Variants in KIRREL3 observed in about 807,000 individuals in gnomAD.
The protein encoded by KIRREL3 is kirre like nephrin family adhesion molecule 3, also known as kin of IRRE-like protein 3.
KIRREL3 carries 36 observed loss-of-function variants against 89.7 expected under a neutral mutation model. That is an observed-to-expected ratio of 0.40 (90% CI 0.31 to 0.53). KIRREL3 has a LOEUF of 0.53. Among genes scored for constraint, KIRREL3 ranks in the 20% least tolerant of loss-of-function variants. KIRREL3 has a pLI of 0.49. For missense variants in KIRREL3, 864 were observed against 1,056.6 expected (o/e 0.82, Z 2.53); for synonymous variants, 445 against 441.4 (o/e 1.01, Z -0.10).
At chr11:126,434,914 A>G (rs570096138) in intron 13 of KIRREL3, among the ~76,000 whole-genome samples, 2 of 152,188 alleles carry the variant, frequency 1.3e-5, no homozygotes. Flanking sequence ...AGAGCCTGGA[A>G]GCAGAAGGCA....
intron 1 of KIRREL3, among the ~76,000 whole-genome samples, chr11:126,733,669 GTTTAC>G (rs1406430087): frequency 6.6e-6 from 1 of 152,160 alleles, no homozygotes; most frequent in Non-Finnish European, 1.5e-5. Context: ...TTGATGTGCT[GTTTAC>G]TTTAATTACC....
chr11:126,442,907 G>A (rs1955637421), intron 10 of KIRREL3, among the ~76,000 whole-genome samples: 1 of 152,250 alleles, frequency 6.6e-6, no homozygotes, highest in African/African-American at 2.4e-5. Context: ...GTGCTGGCAG[G>A]GGTGGAGGCA....
intron 1 of KIRREL3, among the ~76,000 whole-genome samples, chr11:126,781,835 T>A (rs1950335391): frequency 2.0e-5 from 3 of 152,304 alleles, no homozygotes; most frequent in Middle Eastern, 3.4e-3. Context: ...TCATCAAAAA[T>A]GACCTTATTC....
At position 126,977,117 on chromosome 11, in the gene KIRREL3, T is replaced by A. The variant is rs1440013142; in HGVS notation, c.55+23338A>T. Among the ~76,000 whole-genome samples the A allele has an allele frequency of 6.6e-6, 1 of 152,218 alleles. No homozygotes were observed. The highest frequency in any genetic ancestry group is 1.5e-5 in the Non-Finnish European group (1 of 68,042). ...AATCTCTCTTTTCCTTTTTTCTTTT[T>A]CTGCAGGCTTCAGCTCCTTCTGGGT... is the stretch of plus-strand genomic sequence containing the variant. On this transcript the variant is annotated intron_variant, in intron 1 of 16. Coordinates refer to ENST00000525144, the MANE Select transcript of KIRREL3 (RefSeq NM_032531.4). The surrounding 1 kb of genome is among the most constrained non-coding windows in gnomAD (Gnocchi z 4.7).
chr11:126,735,861 T>C (rs1948782930), intron 1 of KIRREL3, among the ~76,000 whole-genome samples: 2 of 152,164 alleles, frequency 1.3e-5, no homozygotes, highest in Non-Finnish European at 2.9e-5. Context: ...TAATCTTAAT[T>C]TAAAGGCAAA....
At chr11:126,899,388 T>A (rs189982381) in intron 1 of KIRREL3, among the ~76,000 whole-genome samples, 1 of 152,034 alleles carries the variant, frequency 6.6e-6, no homozygotes, top group South Asian at 2.1e-4. Context: ...ACACAAAATC[T>A]CTGATAATAG....
chr11:126,617,462 ATACT>A (rs1369761216), intron 1 of KIRREL3, among the ~76,000 whole-genome samples: 7 of 152,394 alleles, frequency 4.6e-5, no homozygotes, highest in African/African-American at 1.7e-4. Flanking sequence ...TTCAAAGTTT[ATACT>A]TATCTACTTT....
In KIRREL3 at chr11:126,636,818, G is replaced by C. The variant is rs781084260; in HGVS notation, c.56-73906C>G. Among the ~76,000 whole-genome samples, 4 of 152,086 alleles carry C rather than the reference G, an allele frequency of 2.6e-5. No homozygotes were observed. Among genetic ancestry groups the C allele is most frequent in the Non-Finnish European group, 5.9e-5 (4 of 68,006 alleles). Reference sequence around the variant, plus strand: ...TGATCTGGACTTGAATTTGTATCCCGGTTTAACCACTTACTCTATAGCCTT... The same window carrying C: ...TGATCTGGACTTGAATTTGTATCCCCGTTTAACCACTTACTCTATAGCCTT... On this transcript the variant is annotated intron_variant, in intron 1 of 16. Coordinates refer to ENST00000525144, the MANE Select transcript of KIRREL3 (RefSeq NM_032531.4). The surrounding 1 kb of genome is among the most constrained non-coding windows in gnomAD (Gnocchi z 4.4).
At position 126,723,431 on chromosome 11, in the gene KIRREL3, A is replaced by T. The variant is rs981826197; in HGVS notation, c.56-160519T>A. Among the ~76,000 whole-genome samples the T allele has an allele frequency of 1.3e-5, 2 of 152,176 alleles. No individual in the cohort carries two copies. The highest frequency in any genetic ancestry group is 2.4e-5 in the African/African-American group (1 of 41,422). ...CATTTCACTCTACCATAAAGAGGTA[A>T]CAATTTAAAAAAATCAACTCTCCTC... On this transcript the variant is annotated intron_variant, in intron 1 of 16. Coordinates refer to ENST00000525144, the MANE Select transcript of KIRREL3 (RefSeq NM_032531.4). This position sits in a 1 kb window ranked among gnomAD's most constrained non-coding sequence, Gnocchi z 4.0.
At chr11:126,440,319 G>A in intron 11 of KIRREL3, 130 bp downstream of exon 11, 1 of 790,626 alleles carries the variant, frequency 1.3e-6, no homozygotes, top group African/African-American at 1.7e-5. Flanking sequence ...AGCCAAGGCA[G>A]GTATAATTTT....
chr11:126,835,342 T>C (rs1032587597), intron 1 of KIRREL3, among the ~76,000 whole-genome samples: 1 of 152,182 alleles, frequency 6.6e-6, no homozygotes, highest in African/African-American at 2.4e-5. Context: ...TGGTAGAAAC[T>C]TTAACAATGA....
At position 126,432,153 on chromosome 11, in the gene KIRREL3, A is replaced by G. The variant is rs1955157480; in HGVS notation, c.1589-627T>C. Among the ~76,000 whole-genome samples, 1 of 151,958 alleles carries G rather than the reference A, an allele frequency of 6.6e-6. No individual in the cohort carries two copies. The highest frequency in any genetic ancestry group is 1.5e-5 in the Non-Finnish European group (1 of 67,992). On this transcript the variant is annotated intron_variant, in intron 13 of 16. Coordinates refer to ENST00000525144, the MANE Select transcript of KIRREL3 (RefSeq NM_032531.4). The surrounding 1 kb of genome is among the most constrained non-coding windows in gnomAD (Gnocchi z 6.2). The stretch of plus-strand genomic sequence containing the variant: ...CTTCTCCACTGCCACCTCTCTAAGG[A>G]GAGAGGCCCCTTTCCCTCCATCTCC...
intron 1 of KIRREL3, among the ~76,000 whole-genome samples, chr11:126,619,675 T>G (rs1213603190): frequency 6.6e-6 from 1 of 152,246 alleles, no homozygotes. Flanking sequence ...GGTGCACTGG[T>G]GCACTTTGAC....
Position 126,565,878 on chromosome 11 carries a change from C to A in KIRREL3, c.56-2966G>T, listed in dbSNP as rs990660819. 3.9e-4 allele frequency among the ~76,000 whole-genome samples: 59 copies of A among 151,816 alleles called. No homozygotes were observed. Among genetic ancestry groups the A allele is most frequent in the African/African-American group, 1.4e-3 (59 of 41,310 alleles). ...TTTGGCTTGGGGAGACTCTACCAAG[C>A]CAAACTAACTAGGTTATTAGGAGAG... On this transcript the variant is annotated intron_variant, in intron 1 of 16. Transcript: ENST00000525144. The surrounding 1 kb of genome is among the most constrained non-coding windows in gnomAD (Gnocchi z 5.4).
At chr11:126,507,752 T>G (rs1468917223) in intron 4 of KIRREL3, among the ~76,000 whole-genome samples, 2 of 152,198 alleles carry the variant, frequency 1.3e-5, no homozygotes, top group Non-Finnish European at 2.9e-5. Context: ...TTCTGGCATC[T>G]TCTTGTGTTT....
rs1232178040 is a variant in KIRREL3, at chr11:126,696,970, G to A, written c.56-134058C>T. ...TGCCCTGAGGATTAAGTGGTATAAT[G>A]CACTTAAACATGACAAAAAAAATGC... On this transcript the variant is annotated intron_variant, in intron 1 of 16. Transcript: ENST00000525144. The surrounding 1 kb of genome is among the most constrained non-coding windows in gnomAD (Gnocchi z 4.4). 2.0e-5 allele frequency among the ~76,000 whole-genome samples: 3 copies of A among 152,112 alleles called. No homozygotes were observed. The highest frequency in any genetic ancestry group is 7.2e-5 in the African/African-American group (3 of 41,396).
At position 126,797,265 on chromosome 11, in the gene KIRREL3, C is replaced by T. The variant is rs1747379098; in HGVS notation, c.55+203190G>A. Among the ~76,000 whole-genome samples the T allele has an allele frequency of 6.6e-6, 1 of 152,174 alleles. No homozygotes were observed. The highest frequency in any genetic ancestry group is 6.5e-5 in the Admixed American group (1 of 15,284). On this transcript the variant is annotated intron_variant, in intron 1 of 16. Transcript: ENST00000525144. This position sits in a 1 kb window ranked among gnomAD's most constrained non-coding sequence, Gnocchi z 4.9. ...CTGCCACTTATTGACCTCTCTGAGA[C>T]TCAATTTCTCATCTATGAAATAGAC...
At position 126,769,197 on chromosome 11, in the gene KIRREL3, A is replaced by G. The variant is rs1161247187; in HGVS notation, c.56-206285T>C. On this transcript the variant is annotated intron_variant, in intron 1 of 16. Coordinates refer to ENST00000525144, the MANE Select transcript of KIRREL3 (RefSeq NM_032531.4). The surrounding 1 kb of genome is among the most constrained non-coding windows in gnomAD (Gnocchi z 4.3). ...GCTTTCCCTTCCTCCTACGCTTTCAACACATCTCTAATATGGCACACGGTG... is the reference window on the plus strand; with the variant it reads ...GCTTTCCCTTCCTCCTACGCTTTCAGCACATCTCTAATATGGCACACGGTG... Among the ~76,000 whole-genome samples, 2 of 151,948 alleles carry G rather than the reference A, an allele frequency of 1.3e-5. No individual in the cohort carries two copies. The highest frequency in any genetic ancestry group is 2.9e-5 in the Non-Finnish European group (2 of 67,974).
intron 1 of KIRREL3, among the ~76,000 whole-genome samples, chr11:126,743,080 G>C (rs542538593): frequency 6.6e-6 from 1 of 152,324 alleles, no homozygotes; most frequent in East Asian, 1.9e-4. Flanking sequence ...GGCAGATGGA[G>C]ATATGGGCTT....
Sources: allele counts gnomAD v4.1 joint callset (sites outside exome capture counted in the v4.1 genomes callset), GRCh38; gene constraint gnomAD v4.1.1; non-coding constraint Gnocchi (gnomAD v3.1); transcripts MANE v1.5; gene names NCBI Gene and HGNC (gene_info 2026-07-23, HGNC 2026-07-21).